Variants in MAML3 observed in about 807,000 individuals in gnomAD.
MAML3 encodes mastermind like transcriptional coactivator 3, also known as mastermind-like protein 3.
A neutral mutation model predicts 101.9 loss-of-function variants in MAML3; 27 were observed. The ratio of observed to expected loss-of-function variants is 0.27; its 90% CI spans 0.20 to 0.37. The LOEUF (loss-of-function observed/expected upper bound fraction) is 0.37. Ranked by LOEUF, MAML3 falls within the 10% of genes least tolerant of loss-of-function variation. MAML3 has a pLI of 1.00. For synonymous variants in MAML3, 501 were observed against 555.9 expected (o/e 0.90, Z 1.39); for missense variants, 1,316 against 1,444.9 (o/e 0.91, Z 1.45).
intron 1 of MAML3, among the ~76,000 whole-genome samples, chr4:139,913,342 T>C (rs972479947): frequency 2.6e-5 from 4 of 152,210 alleles, no homozygotes; most frequent in African/African-American, 9.6e-5. Context: ...TGGATTATAA[T>C]CCTAAGTATG....
intron 1 of MAML3, among the ~76,000 whole-genome samples, chr4:139,923,675 A>G (rs1229401543): frequency 1.3e-5 from 2 of 152,122 alleles, no homozygotes; most frequent in Non-Finnish European, 2.9e-5. Flanking sequence ...AACAATTTTT[A>G]AAGACTTTAA....
intron 1 of MAML3, among the ~76,000 whole-genome samples, chr4:139,988,895 CAG>C (rs1232339095): frequency 2.6e-5 from 4 of 152,158 alleles, no homozygotes; most frequent in African/African-American, 4.8e-5. Context: ...CCCTGTTAAA[CAG>C]GGGGCAATCA....
At chr4:140,033,846 A>C (rs1326018988) in intron 1 of MAML3, among the ~76,000 whole-genome samples, 1 of 152,240 alleles carries the variant, frequency 6.6e-6, no homozygotes, top group Non-Finnish European at 1.5e-5. Flanking sequence ...GCTTGCATTA[A>C]GCAGTGCTAT....
chr4:140,017,105 A>G (rs551837390), intron 1 of MAML3, among the ~76,000 whole-genome samples: 1 of 152,344 alleles, frequency 6.6e-6, no homozygotes, highest in South Asian at 2.1e-4. Flanking sequence ...AAAACACAGC[A>G]GTAAGAAAAC....
intron 1 of MAML3, among the ~76,000 whole-genome samples, chr4:139,963,609 T>C (rs1734065490): frequency 6.6e-6 from 1 of 152,210 alleles, no homozygotes; most frequent in South Asian, 2.1e-4. Context: ...TAAAATGGCA[T>C]TATACCTTGG....
At chr4:139,811,727 T>C (rs1441619863) in intron 2 of MAML3, among the ~76,000 whole-genome samples, 1 of 152,248 alleles carries the variant, frequency 6.6e-6, no homozygotes, top group Non-Finnish European at 1.5e-5. Context: ...TTTATCTCCA[T>C]TTCTTTTCTA....
intron 2 of MAML3, among the ~76,000 whole-genome samples, chr4:139,780,789 G>A (rs1730187169): frequency 6.6e-6 from 1 of 151,854 alleles, no homozygotes. Flanking sequence ...CGCCACCATA[G>A]CCAGCTAATT....
In MAML3 at chr4:139,785,570, T is replaced by C. The variant is rs1578600151; in HGVS notation, c.2080-54903A>G. Among the ~76,000 whole-genome samples the C allele has an allele frequency of 6.6e-6, 1 of 152,088 alleles. No homozygotes were observed. ...GCTTGGCTGGTGCTGCACTGCGGAG[T>C]ATTGTTTGGAAAAATATCACCCAGC... is the stretch of plus-strand genomic sequence containing the variant. On this transcript the variant is annotated intron_variant, in intron 2 of 4. Coordinates refer to ENST00000509479, the MANE Select transcript of MAML3 (RefSeq NM_018717.5). This position sits in a 1 kb window ranked among gnomAD's most constrained non-coding sequence, Gnocchi z 4.3.
At chr4:140,139,450 G>C (rs1728947875) in intron 1 of MAML3, among the ~76,000 whole-genome samples, 1 of 151,796 alleles carries the variant, frequency 6.6e-6, no homozygotes, top group Non-Finnish European at 1.5e-5. Context: ...CCAGCACTTT[G>C]GGAGTCTAAG....
intron 1 of MAML3, among the ~76,000 whole-genome samples, chr4:139,905,491 C>CAAAAAAAAAAAAAAAAA (rs57898254): frequency 7.5e-5 from 6 of 79,958 alleles, no homozygotes; most frequent in Admixed American, 1.7e-4. Context: ...GACTCTGTCT[C>CAAAAAAAAAAAAAAAAA]AAAAAAAAAA....
At chr4:139,815,486 A>G (rs1254105638) in intron 2 of MAML3, among the ~76,000 whole-genome samples, 1 of 152,242 alleles carries the variant, frequency 6.6e-6, no homozygotes, top group Non-Finnish European at 1.5e-5. Context: ...GAAAAGACAC[A>G]AAGAAATTAA....
rs1475611360 is a variant in MAML3 at position 139,717,374 on chromosome 4, T to C, written c.*1949A>G. ...TATGTTTTGTGTCTTCTCATTTGTT[T>C]GTTTGCTTTTTTTTGGTTTCATCTC... On this transcript the variant is annotated 3_prime_UTR_variant, in exon 5 of 5. Coordinates refer to ENST00000509479, the MANE Select transcript of MAML3 (RefSeq NM_018717.5). 4 of 152,594 alleles carry C rather than the reference T, an allele frequency of 2.6e-5. No individual in the cohort carries two copies. Among genetic ancestry groups the C allele is most frequent in the African/African-American group, 7.2e-5 (3 of 41,454 alleles). The allele number at this position is 152,594 out of a possible 1,614,324, so 9.5% of individuals were successfully genotyped here. A position where few individuals can be genotyped will look rare whatever the true frequency, so the allele number is the denominator to read the frequency against.
At chr4:139,999,630 T>C (rs1560862271) in intron 1 of MAML3, among the ~76,000 whole-genome samples, 1 of 152,222 alleles carries the variant, frequency 6.6e-6, no homozygotes, top group Non-Finnish European at 1.5e-5. Flanking sequence ...TTTTAAATGC[T>C]GGGGATACTA....
chr4:139,822,088 T>C (rs1270481491), intron 2 of MAML3, among the ~76,000 whole-genome samples: 3 of 152,060 alleles, frequency 2.0e-5, no homozygotes, highest in Non-Finnish European at 4.4e-5. Flanking sequence ...TCATCACCAT[T>C]ACTACCATCA....
At chr4:139,803,889 A>C (rs1403321441) in intron 2 of MAML3, among the ~76,000 whole-genome samples, 1 of 152,100 alleles carries the variant, frequency 6.6e-6, no homozygotes, top group East Asian at 1.9e-4. Flanking sequence ...GCTAAATCTC[A>C]ATGTGGGGTC....
At chr4:139,837,445 C>T (rs1731275054) in intron 2 of MAML3, among the ~76,000 whole-genome samples, 1 of 151,984 alleles carries the variant, frequency 6.6e-6, no homozygotes, top group Non-Finnish European at 1.5e-5. Context: ...TTGCAGTGAG[C>T]TGAGATCATG....
intron 2 of MAML3, among the ~76,000 whole-genome samples, chr4:139,840,599 G>T (rs1392493096): frequency 6.6e-6 from 1 of 152,206 alleles, no homozygotes; most frequent in African/African-American, 2.4e-5. Flanking sequence ...TAATGCGGTA[G>T]TTGCTTTTCA....
intron 1 of MAML3, among the ~76,000 whole-genome samples, chr4:140,101,098 C>G (rs1342448598): frequency 6.6e-6 from 1 of 152,106 alleles, no homozygotes; most frequent in African/African-American, 2.4e-5. Context: ...CAGCCATTGA[C>G]TGACTAACAG....
chr4:140,009,422 G>A (rs1352987390), intron 1 of MAML3, among the ~76,000 whole-genome samples: 1 of 152,212 alleles, frequency 6.6e-6, no homozygotes, highest in African/African-American at 2.4e-5. Context: ...CTACAGTCCA[G>A]TGGAGAATGC....
Sources: allele counts gnomAD v4.1 joint callset (sites outside exome capture counted in the v4.1 genomes callset), GRCh38; gene constraint gnomAD v4.1.1; non-coding constraint Gnocchi (gnomAD v3.1); transcripts MANE v1.5; gene names NCBI Gene and HGNC (gene_info 2026-07-23, HGNC 2026-07-21).